PIF1: variants seen among roughly 807,000 people sequenced by gnomAD.
PIF1 encodes ATP-dependent DNA helicase PIF1.
PIF1 carries 67 observed loss-of-function variants against 62.3 expected under a neutral mutation model. The observed-to-expected ratio is 1.08, with a 90% CI of 0.88 to 1.32. The LOEUF (loss-of-function observed/expected upper bound fraction) is 1.32. Among genes scored for constraint, PIF1 ranks in the 40% most tolerant of loss-of-function variants. The pLI, the probability that PIF1 is intolerant of heterozygous loss-of-function variation, is 0.00. For synonymous variants in PIF1, 364 were observed against 379.5 expected, an observed-to-expected ratio of 0.96 and a Z score of 0.47; for missense variants, 886 against 866.1, an observed-to-expected ratio of 1.02 and a Z score of -0.29.
In PIF1 at chr15:64,816,687, C is replaced by T; in HGVS notation, c.1753G>A (p.Ala585Thr). 6 of 1,613,640 alleles carry T rather than the reference C, an allele frequency of 3.7e-6. No homozygotes were observed. The highest frequency in any genetic ancestry group is 5.1e-6 in the Non-Finnish European group (6 of 1,179,940). ...SGQAYVALSR[A>T]RSLQGLRVLD... Reference sequence around the variant, plus strand: ...ACACGTAGGCCCTGCAGGCTGCGGGCCCGAGAAAGGGCCACATAGGCCTGG... The same window carrying T: ...ACACGTAGGCCCTGCAGGCTGCGGGTCCGAGAAAGGGCCACATAGGCCTGG... The change falls in exon 12 of 13, where the codon GCC becomes ACC. Residue 585 changes from alanine to threonine, a missense_variant. By Grantham distance (58) the Ala-to-Thr change is moderately conservative (BLOSUM62 0). Coordinates refer to ENST00000559239, the MANE Select transcript of PIF1 (RefSeq NM_001286496.2).
In PIF1 at chr15:64,821,020, C is replaced by A. The variant is rs1342002217; in HGVS notation, c.1155G>T (p.Gln385His). The A allele has an allele frequency of 6.2e-7, 1 of 1,614,018 alleles. No homozygotes were observed. The highest frequency in any genetic ancestry group is 2.2e-5 in the East Asian group (1 of 44,882). ...ELTKVWRQADQTFISLLQAVR... is the reference protein window; with the variant it reads ...ELTKVWRQADHTFISLLQAVR... ...CGGCCTGCAGTAGAGAGATGAAGGT[C>A]TGGTCTGCCTGCCTCCACACCTTGG... The change falls in exon 7 of 13, where the codon CAG becomes CAT. Residue 385 changes from glutamine (Q) to histidine (H), a missense_variant. Gln to His is a conservative substitution (Grantham distance 24). Transcript: ENST00000559239.
In PIF1 at chr15:64,819,869, C is replaced by G; in HGVS notation, c.1311G>C (p.Glu437Asp). ...THQDDVALTN[E>D]RRLQELPGKV... Reference sequence around the variant, plus strand: ...CACCTGGCAGCTCCTGAAGCCGCCTCTCGTTGGTGAGGGCCACATCATCCT... The same window carrying G: ...CACCTGGCAGCTCCTGAAGCCGCCTGTCGTTGGTGAGGGCCACATCATCCT... Residue 437 changes from glutamate to aspartate, a missense_variant, in exon 8 of 13, where the codon GAG becomes GAC. Physicochemically the swap from Glu to Asp is conservative, Grantham distance 45. Transcript: ENST00000559239. 6.2e-7 allele frequency: 1 copy of G among 1,613,886 alleles called. No individual in the cohort carries two copies. Among genetic ancestry groups the G allele is most frequent in the Non-Finnish European group, 8.5e-7 (1 of 1,180,034 alleles).
At chr15:64,826,741 C>G (rs958610313), upstream of PIF1, among the ~76,000 whole-genome samples, 2 of 135,136 alleles carry the variant, frequency 1.5e-5, no homozygotes, top group Non-Finnish European at 3.2e-5. Context: ...TATATATATA[C>G]ACACACATAT....
intron 1 of PIF1, among the ~76,000 whole-genome samples, chr15:64,825,276 G>A (rs748277052): frequency 2.6e-5 from 4 of 152,064 alleles, no homozygotes; most frequent in Non-Finnish European, 5.9e-5. Context: ...TACATTCACT[G>A]GCTTATATGC....
chr15:64,826,235 G>A (rs2084366119), upstream of PIF1, among the ~76,000 whole-genome samples: 2 of 152,022 alleles, frequency 1.3e-5, no homozygotes, highest in Non-Finnish European at 1.5e-5. Context: ...AGAGGGTACA[G>A]CGGAAGCGAG....
At chr15:64,825,531 C>G (rs1299178737) in intron 1 of PIF1, 38 bp downstream of exon 1, 2 of 152,146 alleles carry the variant, frequency 1.3e-5, no homozygotes, top group South Asian at 4.2e-4. Flanking sequence ...ACCCTCCCGC[C>G]GGAAACCCCT....
rs747541434 is a variant in PIF1, at chr15:64,821,469, C to T, written c.869G>A (p.Arg290Lys). ...PLAQCVALAQ[R>K]PGVRQGWLNC... The stretch of plus-strand genomic sequence containing the variant: ...CAGCCAGCCCTGCCGCACGCCTGGC[C>T]TTTGGGCCAGGGCCACACACTGGGC... The change falls in exon 5 of 13, where the codon AGG becomes AAG. Residue 290 changes from arginine (R) to lysine (K), a missense_variant. Transcript: ENST00000559239. 9.9e-6 allele frequency: 16 copies of T among 1,613,938 alleles called. No homozygotes were observed. The East Asian group carries it at 3.1e-4, about 31-fold the overall frequency.
Position 64,819,919 on chromosome 15 carries a change from C to CA in PIF1, c.1260dup (p.Val421CysfsTer11). On this transcript the variant is annotated frameshift_variant, in exon 8 of 13. Transcript: ENST00000559239. LOFTEE classifies it high-confidence loss of function. ...TGGTGGGTGCAGAGCCTCGTGGCCA[C>CA]AATCCCATCTCGCCCCACCTTGTGG... The CA allele has an allele frequency of 6.2e-7, 1 of 1,614,200 alleles. No individual in the cohort carries two copies. Among genetic ancestry groups the CA allele is most frequent in the South Asian group, 1.1e-5 (1 of 91,088 alleles).
intron 4 of PIF1, 196 bp from the exon 5 acceptor site, chr15:64,821,716 C>T (rs538630537): frequency 1.8e-5 from 10 of 568,384 alleles, no homozygotes; most frequent in Non-Finnish European, 3.0e-5. Context: ...GGACTACAGG[C>T]ACACACCACC....
chr15:64,822,209 C>G, intron 4 of PIF1, 57 bp downstream of exon 4: 4 of 1,578,290 alleles, frequency 2.5e-6, no homozygotes, highest in Non-Finnish European at 3.4e-6. Context: ...CCTCCCCTCT[C>G]TCCCTTCCCA....
rs1262909582 is a variant in PIF1 at position 64,816,680 on chromosome 15, C to T, written c.1760G>A (p.Ser587Asn). 8.1e-6 allele frequency: 13 copies of T among 1,613,706 alleles called. No individual in the cohort carries two copies. Among genetic ancestry groups the T allele is most frequent in the Non-Finnish European group, 1.1e-5 (13 of 1,179,970 alleles). The stretch of plus-strand genomic sequence containing the variant: ...GTCCAGCACACGTAGGCCCTGCAGG[C>T]TGCGGGCCCGAGAAAGGGCCACATA... The part of the protein sequence containing the change: ...QAYVALSRAR[S>N]LQGLRVLDFD... The change falls in exon 12 of 13, where the codon AGC (serine) becomes AAC (asparagine). Residue 587 changes from serine (S) to asparagine (N), a missense_variant. By Grantham distance (46) the Ser-to-Asn change is conservative. Transcript: ENST00000559239.
rs746583318 is a variant in PIF1, at chr15:64,821,396, G to T, written c.942C>A (p.Asp314Glu). The T allele has an allele frequency of 8.1e-6, 13 of 1,614,028 alleles. No homozygotes were observed. The highest frequency in any genetic ancestry group is 1.3e-5 in the African/African-American group (1 of 74,916). The change falls in exon 5 of 13, where the codon GAC becomes GAA. Residue 314 changes from aspartate (D) to glutamate (E), a missense_variant. Asp to Glu is a conservative substitution (Grantham distance 45, BLOSUM62 2). Coordinates refer to ENST00000559239, the MANE Select transcript of PIF1 (RefSeq NM_001286496.2). ...VIDEISMVEA[D>E]LFDKLEAVAR... The stretch of plus-strand genomic sequence containing the variant: ...CCACGGCCTCCAGTTTGTCAAACAG[G>T]TCTGCCTCCACCATTGAGATCTCGT...
chr15:64,819,002 G>T, intron 9 of PIF1, 115 bp downstream of exon 9: 2 of 638,086 alleles, frequency 3.1e-6, no homozygotes, highest in Non-Finnish European at 5.0e-6. Flanking sequence ...GGTTTTCAGT[G>T]TGGTCAAAGC....
rs766009956 is a variant in PIF1 at position 64,822,615 on chromosome 15, G to A, written c.559-5C>T. The A allele has an allele frequency of 6.2e-7, 1 of 1,613,540 alleles. No homozygotes were observed. On this transcript the variant is annotated splice_polypyrimidine_tract_variant and splice_region_variant and intron_variant, in intron 2 of 12. Transcript: ENST00000559239. ...CAGGGGCCACCTTGGGGCTTCCTGG[G>A]GGGAACAGAGCTATCTCAGAGCATC...
At chr15:64,824,465 A>C (rs2084339506) in intron 1 of PIF1, 111 bp from the exon 2 acceptor site, 2 of 652,972 alleles carry the variant, frequency 3.1e-6, no homozygotes, top group African/African-American at 3.7e-5. Flanking sequence ...GGTCAAGGCT[A>C]CACAAGATCA....
In PIF1 at chr15:64,822,411, G is replaced by A. The variant is rs201060080; in HGVS notation, c.692-20C>T. The A allele has an allele frequency of 5.5e-5, 88 of 1,614,028 alleles. No homozygotes were observed. Among genetic ancestry groups the A allele is most frequent in the Non-Finnish European group, 3.6e-5 (42 of 1,180,018 alleles). ...CTGTTCCTGGACAGGGGCAAAGTTA[G>A]ACAGGTCTCCCTGTTCCTCTATCCC... On this transcript the variant is annotated intron_variant, in intron 3 of 12. Transcript: ENST00000559239.
intron 7 of PIF1, among the ~76,000 whole-genome samples, chr15:64,820,553 C>T (rs562141358): frequency 3.9e-5 from 6 of 152,296 alleles, no homozygotes; most frequent in South Asian, 2.1e-4. Context: ...CGTGCCACCA[C>T]GCCCAGCTAA....
chr15:64,816,600 G>T lies in PIF1; in HGVS notation c.1840C>A (p.Leu614Met). Residue 614 changes from leucine (L) to methionine (M), a missense_variant, in exon 12 of 13, where the codon CTG (leucine) becomes ATG (methionine). Transcript: ENST00000559239. ...DPRVLHFYAT[L>M]RRGRSLSLES... The stretch of plus-strand genomic sequence containing the variant: ...AGACTGAGGCTCCTGCCCCGCCGCA[G>T]GGTGGCATAGAAGTGCAGCACACGG... The T allele has an allele frequency of 6.2e-7, 1 of 1,613,772 alleles. No homozygotes were observed. Among genetic ancestry groups the T allele is most frequent in the Non-Finnish European group, 8.5e-7 (1 of 1,179,932 alleles).
chr15:64,824,927 A>G (rs1295760569), intron 1 of PIF1, among the ~76,000 whole-genome samples: 2 of 151,102 alleles, frequency 1.3e-5, no homozygotes, highest in East Asian at 3.9e-4. Context: ...ACCCTGCTAC[A>G]CAATTTCCAT....
Sources: allele counts gnomAD v4.1 joint callset (sites outside exome capture counted in the v4.1 genomes callset), GRCh38; gene constraint gnomAD v4.1.1; transcripts MANE v1.5; gene names NCBI Gene and HGNC (gene_info 2026-07-23, HGNC 2026-07-21).